ELP4: variants seen among roughly 807,000 people sequenced by gnomAD.
ELP4 encodes elongator complex protein 4.
Under a neutral mutation model 48.9 loss-of-function variants are expected in ELP4, and 51 were observed. The observed-to-expected ratio is 1.04, with a 90% CI of 0.83 to 1.32. ELP4 has a LOEUF of 1.32. Ranked by LOEUF, ELP4 falls within the 40% of genes most tolerant of loss-of-function variation. ELP4 has a pLI of 0.00. For synonymous variants in ELP4, 210 were observed against 189.2 expected (o/e 1.11, Z -0.90); for missense variants, 519 against 514.6 (o/e 1.01, Z -0.08).
chr11:31,563,139 G>A (rs1443155930), intron 3 of ELP4, among the ~76,000 whole-genome samples: 4 of 152,094 alleles, frequency 2.6e-5, no homozygotes, highest in Admixed American at 2.6e-4. Flanking sequence ...AAACCTGGAA[G>A]GATCAAAAGA....
intron 9 of ELP4, chr11:31,654,369 T>G (rs1164900484): frequency 6.6e-6 from 1 of 151,786 alleles, no homozygotes; most frequent in East Asian, 1.9e-4. Context: ...GTAAATCATG[T>G]TTACTCAAGG....
intron 3 of ELP4, among the ~76,000 whole-genome samples, chr11:31,560,732 C>CAACGTTGTTTTATATATATATAAAAG (rs1957011139): frequency 2.0e-5 from 3 of 148,316 alleles, no homozygotes; most frequent in African/African-American, 7.4e-5. Context: ...ATATATAAAA[C>CAACGTTGTTTTATATATATATAAAAG]AACATTGTTT....
chr11:31,738,965 C>T (rs1947385659), intron 9 of ELP4, among the ~76,000 whole-genome samples: 1 of 152,182 alleles, frequency 6.6e-6, no homozygotes, highest in Non-Finnish European at 1.5e-5. Context: ...AAGTTTCAGT[C>T]ATGCAATTGC....
chr11:31,554,948 A>T (rs938121978), intron 3 of ELP4, among the ~76,000 whole-genome samples: 1 of 152,170 alleles, frequency 6.6e-6, no homozygotes, highest in Non-Finnish European at 1.5e-5. Context: ...GTTAACCGTA[A>T]AGTTGAATGT....
intron 1 of ELP4, among the ~76,000 whole-genome samples, chr11:31,510,213 G>T (rs1213654570): frequency 2.0e-5 from 3 of 152,120 alleles, no homozygotes; most frequent in African/African-American, 7.2e-5. Context: ...TAGTGCCCTC[G>T]CTCTCTATTT....
intron 9 of ELP4, among the ~76,000 whole-genome samples, chr11:31,659,643 GTA>G (rs1368471879): frequency 1.3e-5 from 2 of 152,004 alleles, no homozygotes; most frequent in Admixed American, 1.3e-4. Flanking sequence ...AAACTTGAAC[GTA>G]TATAGTCATT....
chr11:31,537,584 A>T (rs934268313), intron 2 of ELP4, among the ~76,000 whole-genome samples: 1 of 152,182 alleles, frequency 6.6e-6, no homozygotes, highest in Admixed American at 6.5e-5. Context: ...AAGCATGGCT[A>T]GGTTAGAAAA....
chr11:31,688,780 T>C (rs566442657), intron 9 of ELP4, among the ~76,000 whole-genome samples: 3 of 152,316 alleles, frequency 2.0e-5, no homozygotes, highest in African/African-American at 7.2e-5. Context: ...GCCTTTGAGA[T>C]AGGAAATTGT....
chr11:31,678,773 T>C (rs1945992901), intron 9 of ELP4, among the ~76,000 whole-genome samples: 1 of 152,136 alleles, frequency 6.6e-6, no homozygotes, highest in African/African-American at 2.4e-5. Flanking sequence ...TGGGTAAATA[T>C]CAAGGAGTAT....
At chr11:31,526,868 A>T (rs1036905460) in intron 2 of ELP4, among the ~76,000 whole-genome samples, 2 of 152,136 alleles carry the variant, frequency 1.3e-5, no homozygotes, top group East Asian at 3.9e-4. Flanking sequence ...AGCTTTATTT[A>T]AAAACAAGGG....
chr11:31,546,288 A>C (rs981367917), intron 3 of ELP4, among the ~76,000 whole-genome samples: 3 of 152,104 alleles, frequency 2.0e-5, no homozygotes, highest in African/African-American at 7.2e-5. Context: ...GGATGGAGGA[A>C]GATCTACCAA....
chr11:31,573,861 C>G (rs1957225335), intron 3 of ELP4, among the ~76,000 whole-genome samples: 1 of 150,968 alleles, frequency 6.6e-6, no homozygotes, highest in African/African-American at 2.4e-5. Context: ...GAGGAGGACA[C>G]AAACATTGAC....
At chr11:31,728,021 A>G (rs1199790587) in intron 9 of ELP4, 1 of 152,194 alleles carries the variant, frequency 6.6e-6, no homozygotes, top group Non-Finnish European at 1.5e-5. Flanking sequence ...CTTTACATCA[A>G]GCATGAAATA....
At chr11:31,724,543 C>T (rs1431989018) in intron 9 of ELP4, among the ~76,000 whole-genome samples, 1 of 152,230 alleles carries the variant, frequency 6.6e-6, no homozygotes, top group African/African-American at 2.4e-5. Context: ...AAATCACCAA[C>T]AAGACAGATC....
At chr11:31,772,135 T>TC (rs1167760373) in intron 9 of ELP4, among the ~76,000 whole-genome samples, 1 of 151,006 alleles carries the variant, frequency 6.6e-6, no homozygotes, top group East Asian at 1.9e-4. Flanking sequence ...TTTTTTTTTT[T>TC]TTTAGAATAA....
At chr11:31,676,043 A>C (rs1192403101) in intron 9 of ELP4, among the ~76,000 whole-genome samples, 4 of 151,816 alleles carry the variant, frequency 2.6e-5, no homozygotes, top group Middle Eastern at 6.8e-3. Flanking sequence ...TCTTCATCTC[A>C]CTCAGAAGTC....
chr11:31,734,340 G>A (rs1370990614), intron 9 of ELP4, among the ~76,000 whole-genome samples: 2 of 152,146 alleles, frequency 1.3e-5, no homozygotes, highest in African/African-American at 2.4e-5. Flanking sequence ...TCTATCGAAC[G>A]TAGTACTGGA....
intron 9 of ELP4, among the ~76,000 whole-genome samples, chr11:31,773,131 A>C (rs899401483): frequency 6.6e-6 from 1 of 152,230 alleles, no homozygotes; most frequent in Admixed American, 6.5e-5. Flanking sequence ...AGGCTGAATA[A>C]TTATAGGCAT....
At chr11:31,549,298 C>A (rs1267433058) in intron 3 of ELP4, among the ~76,000 whole-genome samples, 1 of 151,858 alleles carries the variant, frequency 6.6e-6, no homozygotes, top group African/African-American at 2.4e-5. Context: ...AAGAAAAAAA[C>A]AAATAACCCC....
Sources: gnomAD v4.1 joint callset for allele counts (sites outside exome capture counted in the v4.1 genomes callset) on GRCh38, gnomAD v4.1.1 for gene constraint, MANE v1.5 for transcripts, NCBI Gene and HGNC (gene_info 2026-07-23, HGNC 2026-07-21) for gene names.